The following GHRHR variants were observed in gnomAD, a reference collection of about 807,000 sequenced individuals.
GHRHR encodes growth hormone-releasing hormone receptor.
A neutral mutation model predicts 58.3 loss-of-function variants in GHRHR; 40 were observed. The observed-to-expected ratio is 0.69, with a 90% CI of 0.53 to 0.89. The LOEUF (loss-of-function observed/expected upper bound fraction) is 0.89, where lower values mean the gene tolerates loss of function less well. Ranked by LOEUF, GHRHR falls within the 40% of genes least tolerant of loss-of-function variation. GHRHR has a pLI of 0.00. For missense variants in GHRHR, 551 were observed against 541.3 expected, an observed-to-expected ratio of 1.02 and a Z score of -0.18; for synonymous variants, 249 against 216.6, an observed-to-expected ratio of 1.15 and a Z score of -1.31.
At chr7:30,965,940 G>A (rs907952510) in intron 1 of GHRHR, among the ~76,000 whole-genome samples, 7 of 152,218 alleles carry the variant, frequency 4.6e-5, no homozygotes, top group African/African-American at 1.7e-4. Flanking sequence ...AGGTTACTGA[G>A]TCCTCGGGAG....
At position 30,968,945 on chromosome 7, in the gene GHRHR, C is replaced by A; in HGVS notation, c.160+9C>A. On this transcript the variant is annotated intron_variant, in intron 2 of 12. Transcript: ENST00000326139. ...GCCCAACACCACCCTGGGTATGGGG[C>A]CTAGGAGGCAGGTGGTGGCTTCTCT... 6.3e-7 allele frequency: 1 copy of A among 1,599,392 alleles called. No homozygotes were observed. Among genetic ancestry groups the A allele is most frequent in the Non-Finnish European group, 8.6e-7 (1 of 1,166,718 alleles).
rs1584411783 is a variant in GHRHR at position 30,969,185 on chromosome 7, G to T, written c.268+15G>T. The T allele has an allele frequency of 4.0e-6, 6 of 1,485,652 alleles. No individual in the cohort carries two copies. Among genetic ancestry groups the T allele is most frequent in the Non-Finnish European group, 5.5e-6 (6 of 1,088,068 alleles). 92.0% of individuals were successfully genotyped at this position (1,485,652 alleles called of 1,614,324 possible). A position where few individuals can be genotyped will look rare whatever the true frequency, so the allele number is the denominator to read the frequency against. ...CTCAGAGTCAGGTGAGGGGTGCTGG[G>T]TGTGGCGGTGGGAAAGGGAGGTGCT... is the stretch of plus-strand genomic sequence containing the variant. On this transcript the variant is annotated intron_variant, in intron 3 of 12. Transcript: ENST00000326139.
intron 1 of GHRHR, among the ~76,000 whole-genome samples, chr7:30,965,011 G>A (rs1012742759): frequency 1.3e-5 from 2 of 152,134 alleles, no homozygotes; most frequent in Non-Finnish European, 2.9e-5. Flanking sequence ...AATCCTGGAC[G>A]CATGAAACTA....
At chr7:30,970,035 G>C in intron 4 of GHRHR, 71 bp downstream of exon 4, 1 of 789,934 alleles carries the variant, frequency 1.3e-6, no homozygotes, top group East Asian at 2.4e-5. Context: ...ACAACTGTAG[G>C]GGCCGCCATT....
chr7:30,965,945 C>T (rs141028939), intron 1 of GHRHR, among the ~76,000 whole-genome samples: 100 of 152,312 alleles, frequency 6.6e-4, no homozygotes, highest in Non-Finnish European at 1.2e-3. Context: ...ACTGAGTCCT[C>T]GGGAGGAAGC....
At position 30,966,140 on chromosome 7, in the gene GHRHR, T is replaced by C. The variant is rs59947153; in HGVS notation, c.57+2015T>C. 6.2e-3 allele frequency among the ~76,000 whole-genome samples: 947 copies of C among 152,080 alleles called. 10 individuals are homozygous for C. The highest frequency in any genetic ancestry group is 0.021 in the African/African-American group (886 of 41,490). ...CCTGCCAGGGTAGCACTGGTGGGGG[T>C]GACCCTCCTTACTGGGCTGGCTCTC... On this transcript the variant is annotated intron_variant, in intron 1 of 12. Coordinates refer to ENST00000326139, the MANE Select transcript of GHRHR (RefSeq NM_000823.4).
intron 6 of GHRHR, 73 bp downstream of exon 6, chr7:30,972,168 G>A: frequency 1.3e-6 from 2 of 1,549,548 alleles, no homozygotes; most frequent in Non-Finnish European, 1.8e-6. Context: ...AGATGTGCCT[G>A]CGTCAGGCTT....
At chr7:30,969,609 C>T in intron 3 of GHRHR, 1 of 608,132 alleles carries the variant, frequency 1.6e-6, no homozygotes, top group East Asian at 2.7e-5. Flanking sequence ...GGCAGCCCAG[C>T]TCACCACTCC....
At chr7:30,970,853 C>G (rs112812848) in intron 4 of GHRHR, 2 of 532,100 alleles carry the variant, frequency 3.8e-6, no homozygotes. Flanking sequence ...GCGGCTGCCT[C>G]TCCTCACCCT....
chr7:30,975,081 C>A lies in GHRHR; in HGVS notation c.882+41C>A, dbSNP rs763734599. ...AGTGCCCTTTGCTTTATTCAGTCAA[C>A]TTCCCTGGAACTACTGACGGGCTGT... On this transcript the variant is annotated intron_variant, in intron 9 of 12. Coordinates refer to ENST00000326139, the MANE Select transcript of GHRHR (RefSeq NM_000823.4). 1.2e-5 allele frequency: 16 copies of A among 1,348,102 alleles called. No individual in the cohort carries two copies. In the South Asian group the frequency reaches 1.6e-4, roughly 14 times the overall value. 83.5% of individuals were successfully genotyped at this position (1,348,102 alleles called of 1,614,324 possible). A position where few individuals can be genotyped will look rare whatever the true frequency, so the allele number is the denominator to read the frequency against.
At chr7:30,965,583 T>TG (rs1562591622) in intron 1 of GHRHR, among the ~76,000 whole-genome samples, 1 of 152,234 alleles carries the variant, frequency 6.6e-6, no homozygotes, top group African/African-American at 2.4e-5. Flanking sequence ...GAGTCATTAG[T>TG]GGGGCTTCTC....
intron 9 of GHRHR, 88 bp from the exon 10 acceptor site, chr7:30,975,689 T>C: frequency 1.3e-6 from 1 of 777,662 alleles, no homozygotes; most frequent in Non-Finnish European, 2.4e-6. Context: ...TTAAATTTTC[T>C]AGTCCCCAAA....
chr7:30,964,498 T>G (rs1396845525), intron 1 of GHRHR, among the ~76,000 whole-genome samples: 1 of 152,196 alleles, frequency 6.6e-6, no homozygotes, highest in Non-Finnish European at 1.5e-5. Context: ...TCTTAGTCCC[T>G]GCAGTTTGCT....
rs373368571 is a variant in GHRHR at position 30,969,975 on chromosome 7, T to C, written c.366+11T>C. 1 of 1,068,668 alleles carries C rather than the reference T, an allele frequency of 9.4e-7. No homozygotes were observed. The highest frequency in any genetic ancestry group is 1.5e-5 in the African/African-American group (1 of 64,622). 66.2% of individuals were successfully genotyped at this position (1,068,668 alleles called of 1,614,324 possible). A position where few individuals can be genotyped will look rare whatever the true frequency, so the allele number is the denominator to read the frequency against. On this transcript the variant is annotated intron_variant, in intron 4 of 12. Coordinates refer to ENST00000326139, the MANE Select transcript of GHRHR (RefSeq NM_000823.4). Reference sequence around the variant, plus strand: ...CTGCTGGCTGAGGAGGTAAGAGTCTTCTGGCATCTTGGAGGAAGGACTGCC... The same window carrying C: ...CTGCTGGCTGAGGAGGTAAGAGTCTCCTGGCATCTTGGAGGAAGGACTGCC...
Position 30,973,982 on chromosome 7 carries a change from C to T in GHRHR, c.598-3C>T. The T allele has an allele frequency of 6.2e-7, 1 of 1,613,328 alleles. No individual in the cohort carries two copies. Among genetic ancestry groups the T allele is most frequent in the Non-Finnish European group, 8.5e-7 (1 of 1,179,966 alleles). ...TCTGAAGCACCCAGGTCCTGGCCCC[C>T]AGGTTCTATGCAAGGTCTCTGTGGC... On this transcript the variant is annotated splice_polypyrimidine_tract_variant and splice_region_variant and intron_variant, in intron 6 of 12. Coordinates refer to ENST00000326139, the MANE Select transcript of GHRHR (RefSeq NM_000823.4).
chr7:30,969,707 G>A, intron 3 of GHRHR, 160 bp from the exon 4 acceptor site: 1 of 748,860 alleles, frequency 1.3e-6, no homozygotes, highest in South Asian at 1.4e-5. Context: ...CCCTGGGCAG[G>A]CTAGACCTGG....
chr7:30,976,417 T>C lies in GHRHR; in HGVS notation c.975-12T>C. 6.2e-7 allele frequency: 1 copy of C among 1,612,754 alleles called. No homozygotes were observed. Among genetic ancestry groups the C allele is most frequent in the Non-Finnish European group, 8.5e-7 (1 of 1,179,104 alleles). ...CCCAGTCTTGGGAGCCTAGGATTTG[T>C]CTTTCCTGCAGGCGTCTCTCCAAGT... is the stretch of plus-strand genomic sequence containing the variant. On this transcript the variant is annotated splice_polypyrimidine_tract_variant and intron_variant, in intron 10 of 12. Coordinates refer to ENST00000326139, the MANE Select transcript of GHRHR (RefSeq NM_000823.4).
intron 1 of GHRHR, among the ~76,000 whole-genome samples, chr7:30,964,737 GC>G (rs1197284467): frequency 2.6e-5 from 4 of 152,314 alleles, no homozygotes; most frequent in African/African-American, 9.6e-5. Flanking sequence ...GGCTGGAGAG[GC>G]TTTTGGCAAC....
rs1241064901 is a variant in GHRHR at position 30,969,124 on chromosome 7, C to T, written c.222C>T (p.Val74=). Residue 74 remains valine (V), a synonymous_variant, in exon 3 of 13, where the codon GTC becomes GTT. Transcript: ENST00000326139. ...CAACGGCAGGCTCTGGCGAGTGGGT[C>T]ACCCTCCCCTGCCCGGATTTCTTCT... ...CWPTAGSGEW[V]TLPCPDFFSH... 6 of 1,577,902 alleles carry T rather than the reference C, an allele frequency of 3.8e-6. No individual in the cohort carries two copies. Among genetic ancestry groups the T allele is most frequent in the Admixed American group, 3.7e-5 (2 of 54,076 alleles).
Sources: gnomAD v4.1 joint callset for allele counts (sites outside exome capture counted in the v4.1 genomes callset) on GRCh38, gnomAD v4.1.1 for gene constraint, MANE v1.5 for transcripts, NCBI Gene and HGNC (gene_info 2026-07-23, HGNC 2026-07-21) for gene names.